The following HIPK2 variants were observed in gnomAD, a reference collection of about 807,000 sequenced individuals.
The protein encoded by HIPK2 is homeodomain-interacting protein kinase 2.
In HIPK2, 27 loss-of-function variants were observed where a neutral mutation model predicts 113.7. The ratio of observed to expected loss-of-function variants is 0.24; its 90% CI spans 0.17 to 0.33. The LOEUF (loss-of-function observed/expected upper bound fraction) is 0.33, where lower values mean the gene tolerates loss of function less well. Among genes scored for constraint, HIPK2 ranks in the 10% least tolerant of loss-of-function variants. HIPK2 has a pLI of 1.00. For missense variants in HIPK2, 1,257 were observed against 1,588.0 expected (o/e 0.79, Z 3.54); for synonymous variants, 631 against 642.2 (o/e 0.98, Z 0.26).
intron 6 of HIPK2, among the ~76,000 whole-genome samples, chr7:139,624,323 A>G (rs1340357991): frequency 6.6e-6 from 1 of 152,078 alleles, no homozygotes; most frequent in Non-Finnish European, 1.5e-5. Context: ...GCAACCGGCC[A>G]TGACTTCGTT....
chr7:139,580,383 A>C (rs562573373), intron 13 of HIPK2, among the ~76,000 whole-genome samples: 2 of 152,344 alleles, frequency 1.3e-5, no homozygotes, highest in African/African-American at 4.8e-5. Flanking sequence ...AAGCTCTCAG[A>C]GGACGAGAGC....
At chr7:139,627,976 C>G (rs1800488962) in intron 5 of HIPK2, among the ~76,000 whole-genome samples, 1 of 152,104 alleles carries the variant, frequency 6.6e-6, no homozygotes, top group Non-Finnish European at 1.5e-5. Flanking sequence ...CAGATGTAAT[C>G]AAATTGAGTT....
intron 2 of HIPK2, among the ~76,000 whole-genome samples, chr7:139,652,518 G>A (rs1801499867): frequency 6.6e-6 from 1 of 152,184 alleles, no homozygotes; most frequent in Non-Finnish European, 1.5e-5. Flanking sequence ...TATGGAAAAA[G>A]GAATACAGAC....
intron 2 of HIPK2, among the ~76,000 whole-genome samples, chr7:139,708,710 G>A (rs750591759): frequency 6.6e-5 from 10 of 152,216 alleles, no homozygotes; most frequent in South Asian, 4.1e-4. Context: ...AAGTGTGTGC[G>A]TGTGCCCTTG....
Position 139,569,072 on chromosome 7 carries a change from T to G in HIPK2, c.*3855A>C, listed in dbSNP as rs1798179897. ...GTGGCCGGAGCCCAGTGGGGATGCTTTCAGAGGGGGTGCAGCCTGTGATGC... is the reference window on the plus strand; with the variant it reads ...GTGGCCGGAGCCCAGTGGGGATGCTGTCAGAGGGGGTGCAGCCTGTGATGC... On this transcript the variant is annotated 3_prime_UTR_variant, in exon 15 of 15. Coordinates refer to ENST00000406875, the MANE Select transcript of HIPK2 (RefSeq NM_022740.5). The G allele has an allele frequency of 6.5e-6, 1 of 152,690 alleles. No individual in the cohort carries two copies. Among genetic ancestry groups the G allele is most frequent in the African/African-American group, 2.4e-5 (1 of 41,406 alleles). 9.5% of individuals were successfully genotyped at this position (152,690 alleles called of 1,614,324 possible). A position where few individuals can be genotyped will look rare whatever the true frequency, so the allele number is the denominator to read the frequency against.
chr7:139,661,129 A>C (rs1801854569), intron 2 of HIPK2, among the ~76,000 whole-genome samples: 1 of 152,206 alleles, frequency 6.6e-6, no homozygotes, highest in Non-Finnish European at 1.5e-5. Context: ...CATTTCAAGC[A>C]AACAACATTT....
intron 6 of HIPK2, among the ~76,000 whole-genome samples, chr7:139,626,160 T>C (rs1800421739): frequency 6.6e-6 from 1 of 151,170 alleles, no homozygotes; most frequent in South Asian, 2.1e-4. Flanking sequence ...TGGAGTGCAA[T>C]GGCGCGATCT....
At chr7:139,615,397 T>A (rs574537173) in intron 7 of HIPK2, among the ~76,000 whole-genome samples, 96 of 152,362 alleles carry the variant, frequency 6.3e-4, no homozygotes, top group Non-Finnish European at 1.1e-3. Context: ...TCCAGATAAC[T>A]GAAATGGAGG....
In HIPK2 at chr7:139,593,760, T is replaced by C. The variant is rs1395946055; in HGVS notation, c.2717+2957A>G. Among the ~76,000 whole-genome samples the C allele has an allele frequency of 3.3e-5, 5 of 152,316 alleles. No individual in the cohort carries two copies. In the East Asian group the frequency reaches 9.6e-4, roughly 29 times the overall value. On this transcript the variant is annotated intron_variant, in intron 12 of 14. Coordinates refer to ENST00000406875, the MANE Select transcript of HIPK2 (RefSeq NM_022740.5). The stretch of plus-strand genomic sequence containing the variant: ...GGAACACAGAAGGTGGGAATCAACA[T>C]GCCCACAGCATGGAGAAATCAGGCT...
At chr7:139,648,441 G>A (rs1370383017) in intron 2 of HIPK2, among the ~76,000 whole-genome samples, 1 of 152,170 alleles carries the variant, frequency 6.6e-6, no homozygotes, top group Non-Finnish European at 1.5e-5. Flanking sequence ...ATCACTAGCG[G>A]CAGAGAGAAG....
chr7:139,724,956 T>G (rs2116997412), intron 1 of HIPK2, among the ~76,000 whole-genome samples: 1 of 152,112 alleles, frequency 6.6e-6, no homozygotes, highest in South Asian at 2.1e-4. Context: ...CATACAGAAT[T>G]CTTTTGTCAA....
chr7:139,702,881 T>C (rs1030028018), intron 2 of HIPK2, among the ~76,000 whole-genome samples: 9 of 152,202 alleles, frequency 5.9e-5, no homozygotes, highest in African/African-American at 2.2e-4. Context: ...GGAGGACAAG[T>C]TGATGAGCCA....
At chr7:139,583,192 A>G (rs1201701852) in intron 13 of HIPK2, among the ~76,000 whole-genome samples, 1 of 152,202 alleles carries the variant, frequency 6.6e-6, no homozygotes, top group African/African-American at 2.4e-5. Flanking sequence ...ATGCTACAAA[A>G]TCTACAGTGA....
intron 2 of HIPK2, among the ~76,000 whole-genome samples, chr7:139,699,666 C>A (rs1794654454): frequency 6.6e-6 from 1 of 152,224 alleles, no homozygotes; most frequent in South Asian, 2.1e-4. Context: ...TTTCCCATGG[C>A]AGAACCCCTC....
Position 139,740,650 on chromosome 7 carries a change from C to T in HIPK2, c.20-23635G>A, listed in dbSNP as rs539876963. Among the ~76,000 whole-genome samples, 14 of 152,308 alleles carry T rather than the reference C, an allele frequency of 9.2e-5. 1 individual carries two copies. In the Middle Eastern group the frequency reaches 0.01, roughly 111 times the overall value. On this transcript the variant is annotated intron_variant, in intron 1 of 14. Transcript: ENST00000406875. ...AAGATATCAAAAGAGACGGGTCCTT[C>T]GAGGCCTGCACACCTGTTAGTCCTA...
chr7:139,707,861 T>C (rs985453747), intron 2 of HIPK2, among the ~76,000 whole-genome samples: 1 of 152,180 alleles, frequency 6.6e-6, no homozygotes, highest in African/African-American at 2.4e-5. Flanking sequence ...GGCACGTTCA[T>C]GTCTCCTCTG....
chr7:139,769,901 C>T (rs1257556309), intron 1 of HIPK2, among the ~76,000 whole-genome samples: 2 of 152,164 alleles, frequency 1.3e-5, no homozygotes, highest in Non-Finnish European at 1.5e-5. Flanking sequence ...GAATCTTTTC[C>T]TGATGGTACA....
At chr7:139,627,972 T>C (rs1282771870) in intron 5 of HIPK2, among the ~76,000 whole-genome samples, 2 of 152,160 alleles carry the variant, frequency 1.3e-5, no homozygotes, top group African/African-American at 2.4e-5. Flanking sequence ...TTTGCAGATG[T>C]AATCAAATTG....
At chr7:139,721,227 C>G (rs1356070739) in intron 1 of HIPK2, among the ~76,000 whole-genome samples, 4 of 152,184 alleles carry the variant, frequency 2.6e-5, no homozygotes, top group Admixed American at 2.6e-4. Context: ...GCAAAATGCT[C>G]CAACAAGATA....
Sources: allele counts gnomAD v4.1 joint callset (sites outside exome capture counted in the v4.1 genomes callset), GRCh38; gene constraint gnomAD v4.1.1; transcripts MANE v1.5; gene names NCBI Gene and HGNC (gene_info 2026-07-23, HGNC 2026-07-21).